Variants in COL25A1 observed in about 807,000 individuals in gnomAD.
The protein encoded by COL25A1 is collagen type XXV alpha 1 chain.
Under a neutral mutation model 128.4 loss-of-function variants are expected in COL25A1, and 103 were observed. The observed-to-expected ratio is 0.80, with a 90% CI of 0.68 to 0.94. The LOEUF is 0.94. Among genes scored for constraint, COL25A1 ranks in the 40% least tolerant of loss-of-function variants. The probability of loss-of-function intolerance (pLI) is 0.00; values close to 1 mark genes in which losing one functional copy is unlikely to be tolerated. For missense variants in COL25A1, 745 were observed against 840.0 expected (o/e 0.89, Z 1.40); for synonymous variants, 279 against 277.2 (o/e 1.01, Z -0.06).
At chr4:108,998,644 C>G (rs527954321) in intron 6 of COL25A1, among the ~76,000 whole-genome samples, 39 of 152,224 alleles carry the variant, frequency 2.6e-4, no homozygotes, top group African/African-American at 9.1e-4. Flanking sequence ...TAAAAAAAGG[C>G]CTGCATAGCC....
chr4:108,972,849 A>G (rs1165781759), intron 8 of COL25A1, among the ~76,000 whole-genome samples: 1 of 152,164 alleles, frequency 6.6e-6, no homozygotes, highest in Non-Finnish European at 1.5e-5. Flanking sequence ...TTAGTTTGTA[A>G]TGCAACATGA....
intron 3 of COL25A1, among the ~76,000 whole-genome samples, chr4:109,052,804 T>C (rs1378530973): frequency 6.6e-6 from 1 of 152,094 alleles, no homozygotes; most frequent in Admixed American, 6.5e-5. Flanking sequence ...AGTGAGAAGA[T>C]AGAAAATCAG....
At chr4:109,281,739 T>C (rs1723405716) in intron 3 of COL25A1, among the ~76,000 whole-genome samples, 1 of 152,222 alleles carries the variant, frequency 6.6e-6, no homozygotes, top group African/African-American at 2.4e-5. Context: ...AGTTGTTAAA[T>C]GTTTATTCCA....
intron 13 of COL25A1, among the ~76,000 whole-genome samples, chr4:108,906,223 T>TA (rs1295489182): frequency 2.6e-5 from 4 of 152,092 alleles, no homozygotes; most frequent in African/African-American, 9.7e-5. Flanking sequence ...CCCCCTCACA[T>TA]ACTCCAGCCA....
intron 6 of COL25A1, among the ~76,000 whole-genome samples, chr4:108,986,571 G>C (rs908933842): frequency 2.6e-5 from 4 of 152,074 alleles, no homozygotes; most frequent in African/African-American, 4.8e-5. Flanking sequence ...TCCAGAATGT[G>C]GGACACTCTA....
chr4:108,903,580 T>C (rs1271360854), intron 13 of COL25A1, among the ~76,000 whole-genome samples: 1 of 152,086 alleles, frequency 6.6e-6, no homozygotes, highest in Non-Finnish European at 1.5e-5. Flanking sequence ...CTCATTTTTC[T>C]GTCAAATAAT....
intron 8 of COL25A1, among the ~76,000 whole-genome samples, chr4:108,951,233 C>T (rs1175911094): frequency 1.3e-5 from 2 of 152,054 alleles, no homozygotes; most frequent in South Asian, 2.1e-4. Flanking sequence ...TTTTATACAA[C>T]GAAGGTGCCA....
chr4:108,827,925 C>CTT (rs1291361785), intron 32 of COL25A1, among the ~76,000 whole-genome samples: 2 of 152,136 alleles, frequency 1.3e-5, no homozygotes, highest in East Asian at 3.9e-4. Context: ...CCTTAGACAC[C>CTT]AGAAGACCCA....
At chr4:109,090,400 T>C (rs1176817220) in intron 3 of COL25A1, among the ~76,000 whole-genome samples, 1 of 152,196 alleles carries the variant, frequency 6.6e-6, no homozygotes, top group African/African-American at 2.4e-5. Flanking sequence ...ACTTTTCATC[T>C]TAATTAAACA....
At position 109,040,146 on chromosome 4, in the gene COL25A1, T is replaced by C. The variant is rs376280719; in HGVS notation, c.420+8022A>G. ...GAACACTTTAGATTCCACATCTTGA[T>C]GTCTTTTTAATTCCACCAAAACAGA... On this transcript the variant is annotated intron_variant, in intron 5 of 37. Coordinates refer to ENST00000399132, the MANE Select transcript of COL25A1 (RefSeq NM_198721.4). Among the ~76,000 whole-genome samples, 47 of 152,358 alleles carry C rather than the reference T, an allele frequency of 3.1e-4. 1 individual carries two copies. Among genetic ancestry groups the C allele is most frequent in the African/African-American group, 1.1e-3 (44 of 41,586 alleles).
intron 3 of COL25A1, among the ~76,000 whole-genome samples, chr4:109,208,010 T>C (rs771291532): frequency 6.6e-6 from 1 of 152,186 alleles, no homozygotes. Context: ...CTTTTCCTAG[T>C]GATCATAAAC....
At chr4:108,847,184 G>A (rs1329865237) in intron 27 of COL25A1, among the ~76,000 whole-genome samples, 1 of 152,086 alleles carries the variant, frequency 6.6e-6, no homozygotes, top group African/African-American at 2.4e-5. Flanking sequence ...GGGATTACAG[G>A]CGTGAGCCAC....
chr4:109,015,685 C>T (rs1757143689), intron 5 of COL25A1, among the ~76,000 whole-genome samples: 1 of 152,178 alleles, frequency 6.6e-6, no homozygotes, highest in Non-Finnish European at 1.5e-5. Context: ...ATCTTAAAAA[C>T]TGGTAATCAG....
intron 20 of COL25A1, among the ~76,000 whole-genome samples, chr4:108,867,847 A>C (rs1483993335): frequency 6.6e-6 from 1 of 152,154 alleles, no homozygotes; most frequent in Non-Finnish European, 1.5e-5. Flanking sequence ...GGTAGATAAA[A>C]AGAGAACTCT....
rs1262922784 is a variant in COL25A1 at position 108,918,343 on chromosome 4, T to C, written c.736-127A>G. 3 of 561,470 alleles carry C rather than the reference T, an allele frequency of 5.3e-6. No individual in the cohort carries two copies. The Admixed American group carries it at 1.0e-4, about 19-fold the overall frequency. 34.8% of individuals were successfully genotyped at this position (561,470 alleles called of 1,614,324 possible). The stretch of plus-strand genomic sequence containing the variant: ...AGGAAGTCTTATTTTTCAGACCTTA[T>C]CCACTGTGTTCAAATATATAATGTA... On this transcript the variant is annotated intron_variant, in intron 12 of 37. Coordinates refer to ENST00000399132, the MANE Select transcript of COL25A1 (RefSeq NM_198721.4).
intron 3 of COL25A1, among the ~76,000 whole-genome samples, chr4:109,191,270 C>T (rs534954927): frequency 2.6e-5 from 4 of 152,242 alleles, no homozygotes; most frequent in South Asian, 2.1e-4. Context: ...AGGAAAAATA[C>T]GTTCTTGTGG....
intron 8 of COL25A1, among the ~76,000 whole-genome samples, chr4:108,951,710 A>G (rs1351915912): frequency 6.6e-6 from 1 of 152,186 alleles, no homozygotes; most frequent in Non-Finnish European, 1.5e-5. Context: ...TAAGTTTTAA[A>G]GTTTTTCCTC....
chr4:109,116,980 G>C (rs1018076664), intron 3 of COL25A1, among the ~76,000 whole-genome samples: 6 of 151,286 alleles, frequency 4.0e-5, no homozygotes, highest in African/African-American at 1.5e-4. Flanking sequence ...AAAAATGACA[G>C]AAAAGGAAAA....
At chr4:109,014,722 G>A (rs1378405437) in intron 5 of COL25A1, among the ~76,000 whole-genome samples, 8 of 152,170 alleles carry the variant, frequency 5.3e-5, no homozygotes, top group Admixed American at 5.2e-4. Flanking sequence ...ACTCTAACAT[G>A]TAATATGAAT....
Sources: gnomAD v4.1 joint callset for allele counts (sites outside exome capture counted in the v4.1 genomes callset) on GRCh38, gnomAD v4.1.1 for gene constraint, MANE v1.5 for transcripts, NCBI Gene and HGNC (gene_info 2026-07-23, HGNC 2026-07-21) for gene names.